Variants in TMEM260 observed in about 807,000 individuals in gnomAD.
TMEM260 encodes protein O-mannosyl-transferase TMEM260.
Under a neutral mutation model 88.9 loss-of-function variants are expected in TMEM260, and 82 were observed. That is an observed-to-expected ratio of 0.92 (90% CI 0.77 to 1.11). The LOEUF (loss-of-function observed/expected upper bound fraction) is 1.11, where lower values mean the gene tolerates loss of function less well. Ranked by LOEUF, TMEM260 falls within the 50% of genes least tolerant of loss-of-function variation. TMEM260 has a pLI of 0.00. For missense variants in TMEM260, 902 were observed against 853.4 expected (o/e 1.06, Z -0.71); for synonymous variants, 314 against 309.3 (o/e 1.02, Z -0.16).
intron 10 of TMEM260, 58 bp from the exon 11 acceptor site, chr14:56,621,473 C>G: frequency 7.4e-7 from 1 of 1,346,948 alleles, no homozygotes; most frequent in Non-Finnish European, 1.0e-6. Flanking sequence ...TAAGCCTAGT[C>G]TTATTAAAAC....
chr14:56,612,573 A>C, intron 7 of TMEM260: 1 of 372,526 alleles, frequency 2.7e-6, no homozygotes, highest in East Asian at 5.0e-5. Context: ...ACTTTTAATC[A>C]TCTCTAGATA....
At chr14:56,655,587 C>G (rs572254688), downstream of TMEM260, among the ~76,000 whole-genome samples, 18 of 152,128 alleles carry the variant, frequency 1.2e-4, no homozygotes, top group East Asian at 3.3e-3. Context: ...TTCACTTGTC[C>G]CTTGCTGAAC....
the TMEM260 span, among the ~76,000 whole-genome samples, chr14:56,658,677 G>A: frequency 6.6e-6 from 1 of 152,178 alleles, no homozygotes; most frequent in Non-Finnish European, 1.5e-5. Flanking sequence ...GGAAACTAAA[G>A]AGACATGACA....
chr14:56,622,140 G>A (rs527296941), intron 11 of TMEM260, among the ~76,000 whole-genome samples: 7 of 151,900 alleles, frequency 4.6e-5, no homozygotes, highest in South Asian at 2.1e-4. Flanking sequence ...TCAGGAGATC[G>A]AGACCATCCT....
chr14:56,634,767 A>C, intron 13 of TMEM260, 132 bp from the exon 14 acceptor site: 3 of 715,894 alleles, frequency 4.2e-6, no homozygotes, highest in Non-Finnish European at 7.2e-6. Flanking sequence ...ACTTGAACCC[A>C]GGAGGTGGAG....
intron 3 of TMEM260, among the ~76,000 whole-genome samples, chr14:56,595,724 G>A (rs1023626797): frequency 6.6e-5 from 10 of 152,134 alleles, no homozygotes; most frequent in Non-Finnish European, 1.3e-4. Context: ...CCAAGCACAA[G>A]CGATCCTCTG....
intron 3 of TMEM260, among the ~76,000 whole-genome samples, chr14:56,603,254 GA>G (rs60396734): frequency 1.3e-5 from 2 of 151,608 alleles, no homozygotes; most frequent in Admixed American, 6.6e-5. Context: ...GTTGTCTAAA[GA>G]AAAAAAACCC....
At chr14:56,605,831 A>T in intron 5 of TMEM260, 148 bp downstream of exon 5, 1 of 487,654 alleles carries the variant, frequency 2.1e-6, no homozygotes, top group Non-Finnish European at 3.5e-6. Context: ...ATTGACTGAA[A>T]AAAATAGGAT....
chr14:56,618,852 T>C (rs1484277450), intron 10 of TMEM260, 89 bp downstream of exon 10: 48 of 1,331,354 alleles, frequency 3.6e-5, no homozygotes, highest in Non-Finnish European at 4.8e-5. Context: ...ATTGTTAACT[T>C]CTGGTTTTCA....
At chr14:56,624,166 A>G (rs1160610601) in intron 11 of TMEM260, among the ~76,000 whole-genome samples, 3 of 152,212 alleles carry the variant, frequency 2.0e-5, no homozygotes, top group Non-Finnish European at 4.4e-5. Flanking sequence ...GGCAGGGATT[A>G]TATCTTATTC....
At chr14:56,583,866 A>G (rs1240895418) in intron 1 of TMEM260, among the ~76,000 whole-genome samples, 1 of 152,182 alleles carries the variant, frequency 6.6e-6, no homozygotes, top group Non-Finnish European at 1.5e-5. Context: ...TCATGGATAT[A>G]AGCCTAGAAA....
intron 3 of TMEM260, among the ~76,000 whole-genome samples, chr14:56,594,918 T>C (rs1886112205): frequency 6.6e-6 from 1 of 152,200 alleles, no homozygotes; most frequent in Admixed American, 6.5e-5. Context: ...GGAAAAATTT[T>C]TTATAGAGTA....
chr14:56,605,544 A>C lies in TMEM260; in HGVS notation c.523-26A>C, dbSNP rs760424506. The C allele has an allele frequency of 2.3e-6, 3 of 1,317,410 alleles. No individual in the cohort carries two copies. In the South Asian group the frequency reaches 4.5e-5, roughly 20 times the overall value. The allele number at this position is 1,317,410 out of a possible 1,614,324, so 81.6% of individuals were successfully genotyped here. A position where few individuals can be genotyped will look rare whatever the true frequency, so the allele number is the denominator to read the frequency against. On this transcript the variant is annotated intron_variant, in intron 4 of 15. Coordinates refer to ENST00000261556, the MANE Select transcript of TMEM260 (RefSeq NM_017799.4). ...AGAGTTTTAGGTGAATTTTTTACTT[A>C]ATTTTTTTTTTTAATTTATTTTCAG... is the stretch of plus-strand genomic sequence containing the variant.
At chr14:56,645,384 A>T (rs1566581901) in intron 15 of TMEM260, among the ~76,000 whole-genome samples, 1 of 152,110 alleles carries the variant, frequency 6.6e-6, no homozygotes, top group East Asian at 1.9e-4. Context: ...TGAGCAAACT[A>T]TCGCAAGGAC....
chr14:56,605,812 C>A (rs936228684), intron 5 of TMEM260, 129 bp downstream of exon 5: 1 of 536,104 alleles, frequency 1.9e-6, no homozygotes, highest in Non-Finnish European at 3.2e-6. Flanking sequence ...AACCCTAGGG[C>A]CTAACAATAT....
chr14:56,618,878 C>A, intron 10 of TMEM260, 115 bp downstream of exon 10: 1 of 1,056,328 alleles, frequency 9.5e-7, no homozygotes, highest in Non-Finnish European at 1.4e-6. Context: ...CAAAGTGAGA[C>A]AGCTTGGTTG....
intron 3 of TMEM260, among the ~76,000 whole-genome samples, chr14:56,586,466 A>G (rs1384758714): frequency 2.0e-5 from 3 of 152,144 alleles, no homozygotes; most frequent in East Asian, 3.8e-4. Flanking sequence ...ATTCATTGAT[A>G]GAAGACTTTC....
intron 9 of TMEM260, among the ~76,000 whole-genome samples, 193 bp downstream of exon 9, chr14:56,617,490 T>TTTAA (rs3068785): frequency 0.64 from 96,992 of 151,694 alleles, 31,984 homozygotes; most frequent in African/African-American, 0.81. Context: ...GAATGCAGTG[T>TTTAA]TTAACACAGT....
At chr14:56,626,397 G>A (rs1888247144) in intron 12 of TMEM260, among the ~76,000 whole-genome samples, 3 of 152,036 alleles carry the variant, frequency 2.0e-5, no homozygotes, top group Non-Finnish European at 2.9e-5. Context: ...GTGAATTTTC[G>A]AGAATTCAAT....
Sources: gnomAD v4.1 joint callset for allele counts (sites outside exome capture counted in the v4.1 genomes callset) on GRCh38, gnomAD v4.1.1 for gene constraint, MANE v1.5 for transcripts, NCBI Gene and HGNC (gene_info 2026-07-23, HGNC 2026-07-21) for gene names.